SLC35D1: variants seen among roughly 807,000 people sequenced by gnomAD.
SLC35D1 encodes the protein nucleotide sugar transporter SLC35D1.
A neutral mutation model predicts 46.7 loss-of-function variants in SLC35D1; 31 were observed. The observed-to-expected ratio is 0.66, with a 90% CI of 0.50 to 0.90. The LOEUF (loss-of-function observed/expected upper bound fraction) is 0.90. Ranked by LOEUF, SLC35D1 falls within the 40% of genes least tolerant of loss-of-function variation. The probability of loss-of-function intolerance (pLI) is 0.00; values close to 1 mark genes in which losing one functional copy is unlikely to be tolerated. For missense variants in SLC35D1, 397 were observed against 426.2 expected, an observed-to-expected ratio of 0.93 and a Z score of 0.60; for synonymous variants, 195 against 164.6, an observed-to-expected ratio of 1.18 and a Z score of -1.41.
At chr1:66,982,663 A>G in the SLC35D1 span, among the ~76,000 whole-genome samples, 2 of 152,230 alleles carry the variant, frequency 1.3e-5, no homozygotes, top group African/African-American at 4.8e-5. Context: ...GTACCAGTGA[A>G]GAGCTGACTT....
chr1:67,009,621 C>T lies in SLC35D1; in HGVS notation c.877-454G>A, dbSNP rs149836383. Among the ~76,000 whole-genome samples, 540 of 152,208 alleles carry T rather than the reference C, an allele frequency of 3.5e-3. 3 individuals are homozygous for T. The highest frequency in any genetic ancestry group is 0.012 in the African/African-American group (515 of 41,520). On this transcript the variant is annotated intron_variant, in intron 10 of 11. Coordinates refer to ENST00000235345, the MANE Select transcript of SLC35D1 (RefSeq NM_015139.3). ...ATCATCAGAGAAATACAAATCAAAACCACAATGTGATACCATCTCATACCA... is the reference window on the plus strand; with the variant it reads ...ATCATCAGAGAAATACAAATCAAAATCACAATGTGATACCATCTCATACCA...
chr1:67,001,706 G>A lies in SLC35D1; in HGVS notation c.*2634C>T, dbSNP rs1667343990. On this transcript the variant is annotated 3_prime_UTR_variant, in exon 12 of 12. Transcript: ENST00000235345. ...TGCCACAGTACCAGGTAAATCACCA[G>A]TATATTGTAACACGCCTGCAATAAT... 2 of 152,332 alleles carry A rather than the reference G, an allele frequency of 1.3e-5. No homozygotes were observed. The highest frequency in any genetic ancestry group is 6.5e-5 in the Admixed American group (1 of 15,280). The allele number at this position is 152,332 out of a possible 1,614,324, so 9.4% of individuals were successfully genotyped here.
rs1667391661 is a variant in SLC35D1, at chr1:67,003,871, CATAAGAA to C, written c.*462_*468del. On this transcript the variant is annotated 3_prime_UTR_variant, in exon 12 of 12. Coordinates refer to ENST00000235345, the MANE Select transcript of SLC35D1 (RefSeq NM_015139.3). ...GATGATATGATGAAGACAATGCAAT[CATAAGAA>C]ATAAGATTCAAAGAAGAGAAATTTC... The C allele has an allele frequency of 4.9e-6, 1 of 205,990 alleles. No individual in the cohort carries two copies. The highest frequency in any genetic ancestry group is 9.9e-6 in the Non-Finnish European group (1 of 100,948). 12.8% of individuals were successfully genotyped at this position (205,990 alleles called of 1,614,324 possible).
At chr1:67,015,296 T>A (rs922267916) in intron 10 of SLC35D1, among the ~76,000 whole-genome samples, 1 of 151,824 alleles carries the variant, frequency 6.6e-6, no homozygotes, top group Non-Finnish European at 1.5e-5. Context: ...AATCTTGTGG[T>A]CAAACTAATT....
intron 8 of SLC35D1, among the ~76,000 whole-genome samples, chr1:67,024,965 C>T (rs1489126587): frequency 1.3e-5 from 2 of 152,106 alleles, no homozygotes; most frequent in Non-Finnish European, 2.9e-5. Flanking sequence ...CCAGGTTGGT[C>T]TCAAACTTCT....
chr1:67,046,265 A>C (rs143817278), intron 7 of SLC35D1, among the ~76,000 whole-genome samples: 295 of 152,336 alleles, frequency 1.9e-3, no homozygotes, highest in African/African-American at 6.4e-3. Flanking sequence ...TGGCCAAGGC[A>C]AGATCAATTC....
intron 7 of SLC35D1, 145 bp downstream of exon 7, chr1:67,047,120 A>T: frequency 1.5e-6 from 1 of 648,764 alleles, no homozygotes; most frequent in Non-Finnish European, 2.7e-6. Flanking sequence ...TTATATGAAC[A>T]CTAAAGTACA....
chr1:67,042,384 A>G lies in SLC35D1; in HGVS notation c.637-56T>C, dbSNP rs79424188. The G allele has an allele frequency of 0.036, 51,737 of 1,445,384 alleles. 1,737 individuals are homozygous for G. Among genetic ancestry groups the G allele is most frequent in the African/African-American group, 0.16 (11,403 of 71,032 alleles). The allele number at this position is 1,445,384 out of a possible 1,614,324, so 89.5% of individuals were successfully genotyped here. The stretch of plus-strand genomic sequence containing the variant: ...TGCGTTTTGTTCTAGCAGATACAAC[A>G]CTGTACAAAATACCACTCAAACTAC... On this transcript the variant is annotated intron_variant, in intron 7 of 11. Coordinates refer to ENST00000235345, the MANE Select transcript of SLC35D1 (RefSeq NM_015139.3).
chr1:67,041,500 G>A (rs1645180794), intron 8 of SLC35D1, among the ~76,000 whole-genome samples: 1 of 152,150 alleles, frequency 6.6e-6, no homozygotes, highest in Admixed American at 6.5e-5. Context: ...TTATTCTGAA[G>A]AAGTTACTAG....
Position 67,053,811 on chromosome 1 carries a change from C to T in SLC35D1, c.203G>A (p.Arg68Lys), listed in dbSNP as rs1645340247. 3.7e-6 allele frequency: 6 copies of T among 1,606,010 alleles called. No homozygotes were observed. Among genetic ancestry groups the T allele is most frequent in the South Asian group, 1.1e-5 (1 of 89,806 alleles). ...VVNKSVLTNY[R>K]FPSSLCVGLG... The stretch of plus-strand genomic sequence containing the variant: ...TGGGCCGCCGCCGCCTCGGCCCTAC[C>T]TGTAATTGGTGAGCACGCTCTTATT... The change falls in exon 1 of 12, where the codon AGA (arginine) becomes AAA (lysine). Residue 68 changes from arginine (R) to lysine (K), a missense_variant and splice_region_variant. Coordinates refer to ENST00000235345, the MANE Select transcript of SLC35D1 (RefSeq NM_015139.3).
the SLC35D1 span, among the ~76,000 whole-genome samples, chr1:66,989,146 A>C: frequency 6.6e-6 from 1 of 152,152 alleles, no homozygotes; most frequent in Non-Finnish European, 1.5e-5. Flanking sequence ...GCAGCTGTGG[A>C]TTATTTAGGA....
At chr1:67,017,508 T>C (rs1465738776) in intron 10 of SLC35D1, among the ~76,000 whole-genome samples, 1 of 152,158 alleles carries the variant, frequency 6.6e-6, no homozygotes, top group Non-Finnish European at 1.5e-5. Context: ...CTAGACAACG[T>C]AAACTTCAGG....
chr1:67,010,260 A>T (rs1264492594), intron 10 of SLC35D1, among the ~76,000 whole-genome samples: 1 of 152,192 alleles, frequency 6.6e-6, no homozygotes, highest in African/African-American at 2.4e-5. Context: ...AGGTGACAGG[A>T]TCGTTTGTAC....
the SLC35D1 span, chr1:66,982,009 C>A: frequency 7.4e-7 from 1 of 1,352,936 alleles, no homozygotes; most frequent in Non-Finnish European, 1.0e-6. Flanking sequence ...TTCTATTAAA[C>A]TTCCAGAGCA....
intron 10 of SLC35D1, among the ~76,000 whole-genome samples, chr1:67,015,784 G>A (rs556000334): frequency 5.3e-5 from 8 of 152,230 alleles, no homozygotes; most frequent in African/African-American, 1.7e-4. Context: ...AAAAGAGGGG[G>A]TAGAGGGAAA....
chr1:66,996,961 C>T (rs1308437858), downstream of SLC35D1, among the ~76,000 whole-genome samples: 1 of 152,046 alleles, frequency 6.6e-6, no homozygotes, highest in African/African-American at 2.4e-5. Context: ...GAAGTTGGAC[C>T]CTTACTTTAC....
chr1:66,978,256 A>C, the SLC35D1 span, among the ~76,000 whole-genome samples: 1 of 150,620 alleles, frequency 6.6e-6, no homozygotes, highest in Admixed American at 6.6e-5. Flanking sequence ...CAGACTCCTA[A>C]ACTGCACTGT....
At position 67,002,743 on chromosome 1, in the gene SLC35D1, C is replaced by A. The variant is rs1461284765; in HGVS notation, c.*1597G>T. 1 of 152,210 alleles carries A rather than the reference C, an allele frequency of 6.6e-6. No individual in the cohort carries two copies. Among genetic ancestry groups the A allele is most frequent in the East Asian group, 1.9e-4 (1 of 5,318 alleles). 9.4% of individuals were successfully genotyped at this position (152,210 alleles called of 1,614,324 possible). A position where few individuals can be genotyped will look rare whatever the true frequency, so the allele number is the denominator to read the frequency against. ...TTTGCATATCAAAAAAAATCAAAACCCTAACTGTTTAGGTCAACAGAGTCC... is the reference window on the plus strand; with the variant it reads ...TTTGCATATCAAAAAAAATCAAAACACTAACTGTTTAGGTCAACAGAGTCC... On this transcript the variant is annotated 3_prime_UTR_variant, in exon 12 of 12. Transcript: ENST00000235345.
At chr1:67,020,184 TAG>T (rs1360336483) in intron 10 of SLC35D1, among the ~76,000 whole-genome samples, 183 bp downstream of exon 10, 1 of 152,194 alleles carries the variant, frequency 6.6e-6, no homozygotes, top group Non-Finnish European at 1.5e-5. Flanking sequence ...TGCCTCCAAG[TAG>T]AGACTATGCC....
Sources: gnomAD v4.1 joint callset for allele counts (sites outside exome capture counted in the v4.1 genomes callset) on GRCh38, gnomAD v4.1.1 for gene constraint, MANE v1.5 for transcripts, NCBI Gene and HGNC (gene_info 2026-07-23, HGNC 2026-07-21) for gene names.